Variants in TNKS observed in about 807,000 individuals in gnomAD.
The protein encoded by TNKS is tankyrase.
Under a neutral mutation model 135.8 loss-of-function variants are expected in TNKS, and 72 were observed. The ratio of observed to expected loss-of-function variants is 0.53; its 90% CI spans 0.44 to 0.64. The LOEUF is 0.64. Ranked by LOEUF, TNKS falls within the 30% of genes least tolerant of loss-of-function variation. The pLI is 0.00. For missense variants in TNKS, 1,769 were observed against 1,674.0 expected (o/e 1.06, Z -0.99); for synonymous variants, 849 against 649.3 (o/e 1.31, Z -4.68).
At chr8:9,752,958 C>G (rs542698374) in intron 20 of TNKS, among the ~76,000 whole-genome samples, 9 of 148,806 alleles carry the variant, frequency 6.0e-5, no homozygotes, top group African/African-American at 2.0e-4. Context: ...AAACAAAACC[C>G]TATCTCGAAA....
At chr8:9,653,944 C>T (rs940568440) in intron 3 of TNKS, among the ~76,000 whole-genome samples, 1 of 152,140 alleles carries the variant, frequency 6.6e-6, no homozygotes, top group Non-Finnish European at 1.5e-5. Flanking sequence ...TTCCTGTCTG[C>T]ATCTGCATGG....
intron 3 of TNKS, among the ~76,000 whole-genome samples, chr8:9,623,433 ACT>A (rs1799939921): frequency 3.3e-5 from 1 of 30,310 alleles, no homozygotes; most frequent in African/African-American, 8.7e-5. Flanking sequence ...AGTGAAACAC[ACT>A]TTTTTTTTTT....
chr8:9,712,387 G>C (rs1335661707), intron 11 of TNKS, among the ~76,000 whole-genome samples: 1 of 151,934 alleles, frequency 6.6e-6, no homozygotes, highest in Non-Finnish European at 1.5e-5. Context: ...GGCTGAGGCA[G>C]GAAGATCACT....
intron 3 of TNKS, among the ~76,000 whole-genome samples, chr8:9,621,005 A>G (rs1799846940): frequency 6.6e-6 from 1 of 152,220 alleles, no homozygotes; most frequent in Non-Finnish European, 1.5e-5. Context: ...GGGGCAGCAT[A>G]TTTTCCAGGT....
At chr8:9,701,540 A>G (rs1803804528) in intron 5 of TNKS, among the ~76,000 whole-genome samples, 1 of 152,236 alleles carries the variant, frequency 6.6e-6, no homozygotes, top group Non-Finnish European at 1.5e-5. Context: ...TTCAGTCATG[A>G]AAGAATCCAA....
intron 3 of TNKS, among the ~76,000 whole-genome samples, chr8:9,618,139 G>A (rs1391834522): frequency 6.6e-6 from 1 of 151,696 alleles, no homozygotes; most frequent in Non-Finnish European, 1.5e-5. Context: ...GGCATGTGCC[G>A]CCACGCCTGG....
intron 25 of TNKS, among the ~76,000 whole-genome samples, chr8:9,767,396 A>AACTT (rs753137921): frequency 1.3e-5 from 2 of 152,206 alleles, no homozygotes; most frequent in Non-Finnish European, 2.9e-5. Flanking sequence ...TTTCTGTGTA[A>AACTT]ACTTACTTAC....
chr8:9,558,559 G>A (rs971010407), intron 1 of TNKS: 4 of 152,246 alleles, frequency 2.6e-5, no homozygotes, highest in African/African-American at 2.4e-5. Context: ...ACCAATAAAT[G>A]ATAGTTATAT....
At chr8:9,772,287 G>C (rs1269273686) in intron 26 of TNKS, 1 of 432,774 alleles carries the variant, frequency 2.3e-6, no homozygotes, top group Non-Finnish European at 4.7e-6. Context: ...TTATATATTG[G>C]AGAAAGGGGA....
intron 5 of TNKS, among the ~76,000 whole-genome samples, chr8:9,698,629 C>G (rs1304461241): frequency 6.6e-6 from 1 of 152,128 alleles, no homozygotes; most frequent in African/African-American, 2.4e-5. Context: ...GAATGCAAAA[C>G]CAGGATTTAA....
Position 9,779,551 on chromosome 8 carries a change from G to T in TNKS, c.*2815G>T, listed in dbSNP as rs1031840829. ...GATACTTGACTCAGGCATAAATTAA[G>T]TGCCCTGGTCCCGAACTTTCTCCCT... On this transcript the variant is annotated 3_prime_UTR_variant, in exon 27 of 27. Transcript: ENST00000310430. 1.3e-5 allele frequency: 2 copies of T among 152,118 alleles called. 1 individual carries two copies. 9.4% of individuals were successfully genotyped at this position (152,118 alleles called of 1,614,324 possible).
intron 4 of TNKS, 128 bp from the exon 5 acceptor site, chr8:9,680,597 A>T: frequency 1.6e-6 from 1 of 620,492 alleles, no homozygotes; most frequent in Non-Finnish European, 2.9e-6. Flanking sequence ...TGCAAAAGAG[A>T]TTTATTGTGA....
intron 13 of TNKS, among the ~76,000 whole-genome samples, chr8:9,727,760 C>T (rs1805234882): frequency 6.6e-6 from 1 of 152,162 alleles, no homozygotes; most frequent in Non-Finnish European, 1.5e-5. Flanking sequence ...ACGTTTTAAG[C>T]TCTGTTGCCT....
chr8:9,646,900 G>A (rs779652907), intron 3 of TNKS, among the ~76,000 whole-genome samples: 6 of 151,972 alleles, frequency 3.9e-5, no homozygotes, highest in African/African-American at 1.5e-4. Flanking sequence ...ACTATTATGC[G>A]ACTTTAAAAC....
At chr8:9,578,217 G>A (rs146568307) in intron 1 of TNKS, among the ~76,000 whole-genome samples, 92 of 152,298 alleles carry the variant, frequency 6.0e-4, no homozygotes, top group Non-Finnish European at 1.1e-3. Context: ...ATTCAGATCC[G>A]TAGAGAAGGA....
At chr8:9,720,624 G>C in intron 12 of TNKS, 79 bp downstream of exon 12, 1 of 1,412,380 alleles carries the variant, frequency 7.1e-7, no homozygotes, top group South Asian at 1.6e-5. Context: ...ACTTTGCAGT[G>C]TTTACTTTGC....
intron 3 of TNKS, among the ~76,000 whole-genome samples, chr8:9,663,588 T>C (rs1801839331): frequency 2.0e-5 from 3 of 152,220 alleles, no homozygotes; most frequent in Admixed American, 6.5e-5. Flanking sequence ...CCCAGAAGAC[T>C]ACACCCCACT....
intron 1 of TNKS, among the ~76,000 whole-genome samples, chr8:9,559,940 A>G (rs187306741): frequency 1.1e-3 from 164 of 152,304 alleles, no homozygotes; most frequent in African/African-American, 3.8e-3. Flanking sequence ...TTGTTGATAC[A>G]GGTTCTCAAA....
chr8:9,761,085 C>T (rs1195094820), intron 20 of TNKS, among the ~76,000 whole-genome samples: 1 of 152,126 alleles, frequency 6.6e-6, no homozygotes, highest in Admixed American at 6.5e-5. Context: ...CCTTTTCCTG[C>T]GTTGTTTACT....
Sources: gnomAD v4.1 joint callset for allele counts (sites outside exome capture counted in the v4.1 genomes callset) on GRCh38, gnomAD v4.1.1 for gene constraint, MANE v1.5 for transcripts, NCBI Gene and HGNC (gene_info 2026-07-23, HGNC 2026-07-21) for gene names.